Variants in EXOC4 observed in about 807,000 individuals in gnomAD.
EXOC4 encodes the protein exocyst complex component 4.
Under a neutral mutation model 107.2 loss-of-function variants are expected in EXOC4, and 71 were observed. The ratio of observed to expected loss-of-function variants is 0.66; its 90% CI spans 0.55 to 0.81. EXOC4 has a LOEUF of 0.81. Ranked by LOEUF, EXOC4 falls within the 30% of genes least tolerant of loss-of-function variation. The probability of loss-of-function intolerance (pLI) is 0.00; values close to 1 mark genes in which losing one functional copy is unlikely to be tolerated. For missense variants in EXOC4, 1,108 were observed against 1,189.6 expected, an observed-to-expected ratio of 0.93 and a Z score of 1.01; for synonymous variants, 456 against 441.2, an observed-to-expected ratio of 1.03 and a Z score of -0.42.
At chr7:133,703,164 C>G (rs756148432) in intron 10 of EXOC4, among the ~76,000 whole-genome samples, 45 of 152,172 alleles carry the variant, frequency 3.0e-4, no homozygotes, top group Non-Finnish European at 5.6e-4. Context: ...AACATAGTCA[C>G]AGGTTAGAAG....
intron 10 of EXOC4, among the ~76,000 whole-genome samples, chr7:133,808,733 G>A (rs982612217): frequency 6.6e-6 from 1 of 152,040 alleles, no homozygotes; most frequent in Non-Finnish European, 1.5e-5. Context: ...GCCCATGTCT[G>A]GGGGTGGATT....
At chr7:133,301,554 A>G (rs1794641415) in intron 3 of EXOC4, among the ~76,000 whole-genome samples, 1 of 152,232 alleles carries the variant, frequency 6.6e-6, no homozygotes. Context: ...AGAGTCCTCA[A>G]AGAAATATTT....
chr7:133,292,293 A>G (rs1794425311), intron 3 of EXOC4, among the ~76,000 whole-genome samples: 1 of 152,234 alleles, frequency 6.6e-6, no homozygotes. Context: ...ATTGAATTTA[A>G]GAGAATTATC....
intron 11 of EXOC4, among the ~76,000 whole-genome samples, chr7:133,830,384 C>T (rs60775826): frequency 0.012 from 1,843 of 152,282 alleles, 43 homozygotes; most frequent in African/African-American, 0.041. Context: ...AATTTCTTGC[C>T]TCGTGAAGAG....
chr7:133,556,544 T>C (rs1800693936), intron 9 of EXOC4, among the ~76,000 whole-genome samples: 1 of 152,158 alleles, frequency 6.6e-6, no homozygotes, highest in South Asian at 2.1e-4. Context: ...TAATCAAATA[T>C]ACCATGTCAG....
At chr7:133,406,224 C>G (rs1213699164) in intron 7 of EXOC4, among the ~76,000 whole-genome samples, 1 of 152,126 alleles carries the variant, frequency 6.6e-6, no homozygotes, top group Admixed American at 6.5e-5. Context: ...AACTTGAACC[C>G]AGGATAGGCT....
chr7:133,625,755 A>T (rs565783854), intron 9 of EXOC4, among the ~76,000 whole-genome samples: 1 of 152,252 alleles, frequency 6.6e-6, no homozygotes, highest in East Asian at 1.9e-4. Context: ...TACTATTGTC[A>T]GTTTCCCTTG....
intron 11 of EXOC4, among the ~76,000 whole-genome samples, chr7:133,865,601 G>A (rs1205635303): frequency 6.6e-6 from 1 of 152,172 alleles, no homozygotes; most frequent in Admixed American, 6.6e-5. Flanking sequence ...AAGAAATGAG[G>A]TTTAATTGAC....
At chr7:133,525,933 A>G (rs569842594) in intron 9 of EXOC4, among the ~76,000 whole-genome samples, 1 of 152,286 alleles carries the variant, frequency 6.6e-6, no homozygotes, top group Admixed American at 6.5e-5. Context: ...ATTCCAGATT[A>G]AGAAGTATTT....
At chr7:133,953,058 C>T (rs1022648899) in intron 14 of EXOC4, among the ~76,000 whole-genome samples, 32 of 152,178 alleles carry the variant, frequency 2.1e-4, no homozygotes, top group Non-Finnish European at 4.1e-4. Context: ...ATGTACTGCA[C>T]GTCTTTCTAC....
intron 9 of EXOC4, among the ~76,000 whole-genome samples, chr7:133,617,810 G>GGTA (rs1357368735): frequency 6.6e-6 from 1 of 152,064 alleles, no homozygotes; most frequent in Non-Finnish European, 1.5e-5. Flanking sequence ...ACATCCTCTG[G>GGTA]GTAGTGTGAG....
chr7:133,853,692 G>C (rs142327520), intron 11 of EXOC4, among the ~76,000 whole-genome samples: 1 of 152,234 alleles, frequency 6.6e-6, no homozygotes, highest in African/African-American at 2.4e-5. Context: ...GAGACGTCCT[G>C]CTTCAGTGTG....
intron 10 of EXOC4, among the ~76,000 whole-genome samples, chr7:133,696,650 G>A (rs1794540370): frequency 6.6e-6 from 1 of 152,060 alleles, no homozygotes; most frequent in Non-Finnish European, 1.5e-5. Context: ...AATCTTTGTT[G>A]TTGTTGTTGT....
At chr7:133,983,435 A>T (rs553485903) in intron 14 of EXOC4, among the ~76,000 whole-genome samples, 10 of 152,250 alleles carry the variant, frequency 6.6e-5, no homozygotes, top group African/African-American at 1.9e-4. Context: ...GAGGAACTCC[A>T]TATGGGACTT....
At chr7:133,425,609 C>T (rs553732346) in intron 7 of EXOC4, among the ~76,000 whole-genome samples, 8 of 152,258 alleles carry the variant, frequency 5.3e-5, no homozygotes, top group African/African-American at 1.7e-4. Context: ...ATCATTTAAT[C>T]TGAAAGACTG....
chr7:133,402,595 T>C (rs1333405582), intron 7 of EXOC4, among the ~76,000 whole-genome samples: 1 of 152,114 alleles, frequency 6.6e-6, no homozygotes, highest in Non-Finnish European at 1.5e-5. Context: ...GCCTTCCAGG[T>C]TCAAGCAGTT....
intron 13 of EXOC4, chr7:133,930,621 C>T (rs1480564546): frequency 6.6e-6 from 1 of 152,040 alleles, no homozygotes; most frequent in African/African-American, 2.4e-5. Context: ...AACCCTGGGA[C>T]TGAGCCTTGG....
intron 1 of EXOC4, among the ~76,000 whole-genome samples, chr7:133,274,376 A>G (rs926660099): frequency 6.6e-6 from 1 of 152,234 alleles, no homozygotes; most frequent in South Asian, 2.1e-4. Flanking sequence ...ACTGAAAGTG[A>G]CTTAAACAAT....
intron 7 of EXOC4, among the ~76,000 whole-genome samples, chr7:133,468,123 GA>G (rs1420915077): frequency 1.3e-5 from 2 of 151,704 alleles, no homozygotes; most frequent in African/African-American, 4.8e-5. Context: ...TTGAGAAAAA[GA>G]AAAAAAATCA....
Sources: allele counts gnomAD v4.1 joint callset (sites outside exome capture counted in the v4.1 genomes callset), GRCh38; gene constraint gnomAD v4.1.1; transcripts MANE v1.5; gene names NCBI Gene and HGNC (gene_info 2026-07-23, HGNC 2026-07-21).